The following MACROD2 variants were observed in gnomAD, a reference collection of about 807,000 sequenced individuals.
The protein encoded by MACROD2 is mono-ADP ribosylhydrolase 2.
A neutral mutation model predicts 70.4 loss-of-function variants in MACROD2; 36 were observed. The ratio of observed to expected loss-of-function variants is 0.51; its 90% CI spans 0.39 to 0.68. MACROD2 has a LOEUF of 0.68. MACROD2 is among the 30% of genes least tolerant of loss of function. The pLI, the probability that MACROD2 is intolerant of heterozygous loss-of-function variation, is 0.00. For missense variants in MACROD2, 496 were observed against 538.4 expected (o/e 0.92, Z 0.78); for synonymous variants, 172 against 178.8 (o/e 0.96, Z 0.30).
In MACROD2 at chr20:15,702,488, T is replaced by C. The variant is rs563381551; in HGVS notation, c.646-160257T>C. Among the ~76,000 whole-genome samples, 4 of 152,348 alleles carry C rather than the reference T, an allele frequency of 2.6e-5. No individual in the cohort carries two copies. The East Asian group carries it at 7.7e-4, about 29-fold the overall frequency. ...TTCTTTTGAGAAGAGTCTGTTCATA[T>C]CCTTTGCCCATTTTTAAGGGATTTG... On this transcript the variant is annotated intron_variant, in intron 8 of 17. Coordinates refer to ENST00000684519, the MANE Select transcript of MACROD2 (RefSeq NM_001351661.2).
intron 8 of MACROD2, among the ~76,000 whole-genome samples, chr20:15,528,405 G>A (rs1180972363): frequency 6.6e-6 from 1 of 152,212 alleles, no homozygotes; most frequent in Non-Finnish European, 1.5e-5. Context: ...ACAGGCATGA[G>A]CCACTGCGCC....
chr20:16,048,172 T>G (rs940419512), intron 17 of MACROD2, among the ~76,000 whole-genome samples: 3 of 152,166 alleles, frequency 2.0e-5, no homozygotes, highest in African/African-American at 7.2e-5. Context: ...AATTCTGAAG[T>G]TGAATTCATA....
intron 15 of MACROD2, among the ~76,000 whole-genome samples, chr20:16,020,179 A>G (rs1243849598): frequency 6.6e-6 from 1 of 152,028 alleles, no homozygotes; most frequent in Non-Finnish European, 1.5e-5. Flanking sequence ...CTCTGGCTTC[A>G]TGGTTTGCCA....
intron 8 of MACROD2, among the ~76,000 whole-genome samples, chr20:15,856,610 G>A (rs771453021): frequency 2.0e-5 from 3 of 152,140 alleles, no homozygotes; most frequent in Non-Finnish European, 4.4e-5. Context: ...GATATTTACA[G>A]AGCTCCTATT....
At chr20:15,400,212 A>C (rs2045911435) in intron 6 of MACROD2, among the ~76,000 whole-genome samples, 1 of 152,220 alleles carries the variant, frequency 6.6e-6, no homozygotes, top group East Asian at 1.9e-4. Flanking sequence ...TCTGTAGTGT[A>C]GTCGGTGAGC....
At chr20:15,033,942 C>T (rs557953694) in intron 5 of MACROD2, among the ~76,000 whole-genome samples, 3 of 152,124 alleles carry the variant, frequency 2.0e-5, no homozygotes, top group Non-Finnish European at 4.4e-5. Context: ...AATGAGAGTT[C>T]AGACGGCAAA....
chr20:14,409,215 A>G (rs1364842346), intron 3 of MACROD2, among the ~76,000 whole-genome samples: 1 of 149,398 alleles, frequency 6.7e-6, no homozygotes. Flanking sequence ...GTCCTCAGTA[A>G]ATGTTTATAG....
intron 8 of MACROD2, among the ~76,000 whole-genome samples, chr20:15,505,436 A>T (rs1301288697): frequency 6.6e-6 from 1 of 152,082 alleles, no homozygotes; most frequent in East Asian, 1.9e-4. Context: ...ACCATCAATT[A>T]TAAAGAAGCA....
intron 8 of MACROD2, among the ~76,000 whole-genome samples, chr20:15,704,678 C>G (rs1314592769): frequency 1.3e-5 from 2 of 152,156 alleles, no homozygotes; most frequent in Non-Finnish European, 1.5e-5. Context: ...GTCCATGGAA[C>G]AACTTTTGAG....
At chr20:14,304,678 G>A (rs943800783) in intron 3 of MACROD2, among the ~76,000 whole-genome samples, 6 of 151,916 alleles carry the variant, frequency 3.9e-5, no homozygotes, top group African/African-American at 1.5e-4. Flanking sequence ...CTAGTACTGG[G>A]TCAATCCAGC....
At chr20:15,010,220 C>T (rs989457014) in intron 5 of MACROD2, among the ~76,000 whole-genome samples, 1 of 152,178 alleles carries the variant, frequency 6.6e-6, no homozygotes, top group East Asian at 1.9e-4. Flanking sequence ...ATCTTCCCTA[C>T]CTTATGCAGA....
intron 4 of MACROD2, among the ~76,000 whole-genome samples, chr20:14,577,641 G>C (rs1980685947): frequency 6.6e-6 from 1 of 151,978 alleles, no homozygotes; most frequent in African/African-American, 2.4e-5. Context: ...AATTAGCCAG[G>C]CATGGTGGTG....
At chr20:14,731,009 A>ACAC (rs1555822607) in intron 5 of MACROD2, among the ~76,000 whole-genome samples, 1,280 of 106,778 alleles carry the variant, frequency 0.012, 14 homozygotes, top group Non-Finnish European at 0.017. Flanking sequence ...ACACACACAC[A>ACAC]TGCACACACA....
At chr20:15,223,743 G>A (rs2145970654) in intron 5 of MACROD2, among the ~76,000 whole-genome samples, 1 of 152,136 alleles carries the variant, frequency 6.6e-6, no homozygotes, top group Non-Finnish European at 1.5e-5. Context: ...AACTGTCTGG[G>A]GAGTCCTGCA....
chr20:15,928,154 G>A (rs73900811), intron 10 of MACROD2, among the ~76,000 whole-genome samples: 2,848 of 152,290 alleles, frequency 0.019, 70 homozygotes, highest in African/African-American at 0.059. Context: ...GTTTGTAGAA[G>A]ATATATACTA....
chr20:14,611,070 T>G (rs1380263821), intron 4 of MACROD2, among the ~76,000 whole-genome samples: 3 of 152,144 alleles, frequency 2.0e-5, no homozygotes, highest in Admixed American at 6.6e-5. Flanking sequence ...ATACTTGCAT[T>G]TAGATTTTTG....
chr20:14,557,227 G>A (rs563333337), intron 4 of MACROD2, among the ~76,000 whole-genome samples: 65 of 151,994 alleles, frequency 4.3e-4, no homozygotes, highest in African/African-American at 1.2e-3. Context: ...AATTAACTCC[G>A]AATGGATCAT....
intron 4 of MACROD2, among the ~76,000 whole-genome samples, chr20:14,684,221 C>G (rs772911639): frequency 3.3e-5 from 5 of 152,124 alleles, no homozygotes; most frequent in Non-Finnish European, 7.4e-5. Context: ...TCTACCCTTG[C>G]GCAGCACCCA....
chr20:14,853,554 C>T (rs1258149578), intron 5 of MACROD2, among the ~76,000 whole-genome samples: 2 of 152,042 alleles, frequency 1.3e-5, no homozygotes, highest in African/African-American at 4.8e-5. Context: ...ATAGAGACAG[C>T]CAGTAATTAT....
Sources: gnomAD v4.1 joint callset for allele counts (sites outside exome capture counted in the v4.1 genomes callset) on GRCh38, gnomAD v4.1.1 for gene constraint, MANE v1.5 for transcripts, NCBI Gene and HGNC (gene_info 2026-07-23, HGNC 2026-07-21) for gene names.